The following RETREG1 variants were observed in gnomAD, a reference collection of about 807,000 sequenced individuals.
The protein encoded by RETREG1 is family with sequence similarity 134 member B.
In RETREG1, 44 loss-of-function variants were observed where a neutral mutation model predicts 54.8. The ratio of observed to expected loss-of-function variants is 0.80; its 90% confidence interval spans 0.63 to 1.03. The LOEUF (loss-of-function observed/expected upper bound fraction) is 1.03. Ranked by LOEUF, RETREG1 falls within the 50% of genes least tolerant of loss-of-function variation. The pLI, the probability that RETREG1 is intolerant of heterozygous loss-of-function variation, is 0.00. For missense variants in RETREG1, 554 were observed against 605.1 expected (o/e 0.92, Z 0.89); for synonymous variants, 217 against 238.5 (o/e 0.91, Z 0.83).
At chr5:16,604,559 C>T (rs1321407735) in intron 1 of RETREG1, among the ~76,000 whole-genome samples, 1 of 152,122 alleles carries the variant, frequency 6.6e-6, no homozygotes, top group African/African-American at 2.4e-5. Flanking sequence ...AGGAAGTCCA[C>T]GTGGCCACAA....
At position 16,474,925 on chromosome 5, in the gene RETREG1, G is replaced by C; in HGVS notation, c.1310C>G (p.Ser437Cys). 1 of 1,613,866 alleles carries C rather than the reference G, an allele frequency of 6.2e-7. No homozygotes were observed. Among genetic ancestry groups the C allele is most frequent in the South Asian group, 1.1e-5 (1 of 91,082 alleles). Residue 437 changes from serine to cysteine, a missense_variant, in exon 9 of 9, where the codon TCT becomes TGT. Physicochemically the swap from Ser to Cys is moderately radical, Grantham distance 112 (BLOSUM62 -1). Coordinates refer to ENST00000306320, the MANE Select transcript of RETREG1 (RefSeq NM_001034850.3). ...DQLEGVQQAL[S>C]QAAPIPEEDT... ...CTCTTCTGGGATGGGGGCAGCCTGA[G>C]AAAGTGCTTGCTGCACACCCTCTAA...
chr5:16,615,170 G>T (rs1223840975), intron 1 of RETREG1, among the ~76,000 whole-genome samples: 1 of 152,132 alleles, frequency 6.6e-6, no homozygotes, highest in East Asian at 1.9e-4. Context: ...GGCCGAGGCG[G>T]ACGGATCACG....
chr5:16,588,120 C>T (rs542925361), intron 1 of RETREG1, among the ~76,000 whole-genome samples: 1 of 152,318 alleles, frequency 6.6e-6, no homozygotes, highest in South Asian at 2.1e-4. Context: ...AACTGTATTA[C>T]TTTGCAAGAA....
At chr5:16,478,804 A>G in intron 6 of RETREG1, 46 bp downstream of exon 6, 2 of 1,574,926 alleles carry the variant, frequency 1.3e-6, no homozygotes, top group Middle Eastern at 1.7e-4. Context: ...ATAGCTCGCT[A>G]ATGTCTCATT....
intron 3 of RETREG1, among the ~76,000 whole-genome samples, chr5:16,549,261 A>G (rs1329850873): frequency 6.6e-6 from 1 of 152,228 alleles, no homozygotes; most frequent in Non-Finnish European, 1.5e-5. Context: ...TCATGCCTTC[A>G]TCAAAGAACA....
chr5:16,550,358 C>T (rs911142250), intron 3 of RETREG1, among the ~76,000 whole-genome samples: 2 of 152,130 alleles, frequency 1.3e-5, no homozygotes, highest in South Asian at 4.1e-4. Flanking sequence ...AGAAGCAATG[C>T]TCTCACTGCT....
chr5:16,575,537 A>T (rs1742297474), intron 1 of RETREG1, among the ~76,000 whole-genome samples: 1 of 152,248 alleles, frequency 6.6e-6, no homozygotes, highest in Admixed American at 6.5e-5. Context: ...TTCCAAGAAT[A>T]ATAAAAAAGA....
intron 3 of RETREG1, among the ~76,000 whole-genome samples, chr5:16,552,819 G>C (rs1449298958): frequency 2.0e-5 from 3 of 152,184 alleles, no homozygotes; most frequent in Non-Finnish European, 4.4e-5. Context: ...TGCCCTGCTG[G>C]AATGTGTAGG....
chr5:16,553,896 G>T (rs1741614526), intron 3 of RETREG1, among the ~76,000 whole-genome samples: 1 of 152,194 alleles, frequency 6.6e-6, no homozygotes, highest in Non-Finnish European at 1.5e-5. Flanking sequence ...CCAGGGATAG[G>T]TTGTTGAAAG....
intron 3 of RETREG1, among the ~76,000 whole-genome samples, chr5:16,533,041 A>G (rs1285064798): frequency 6.9e-6 from 1 of 144,896 alleles, no homozygotes; most frequent in Non-Finnish European, 1.5e-5. Context: ...TTAGCAGTTG[A>G]TAATATGAAC....
chr5:16,500,066 C>A (rs1162595418), intron 3 of RETREG1, among the ~76,000 whole-genome samples: 1 of 152,188 alleles, frequency 6.6e-6, no homozygotes, highest in Non-Finnish European at 1.5e-5. Context: ...CCTGAAAGAC[C>A]ATGGGAGCCT....
rs568046087 is a variant in RETREG1 at position 16,533,338 on chromosome 5, C to T, written c.458+32425G>A. On this transcript the variant is annotated intron_variant, in intron 3 of 8. Coordinates refer to ENST00000306320, the MANE Select transcript of RETREG1 (RefSeq NM_001034850.3). ...GATTACAGGCGTGAGCCACCACGCCCGGCTGATAATATGAACTTAAAACTC... is the reference window on the plus strand; with the variant it reads ...GATTACAGGCGTGAGCCACCACGCCTGGCTGATAATATGAACTTAAAACTC... 4.9e-4 allele frequency among the ~76,000 whole-genome samples: 75 copies of T among 152,282 alleles called. No individual in the cohort carries two copies. In the South Asian group the frequency reaches 0.015, roughly 30 times the overall value.
chr5:16,572,894 G>C (rs1222189352), intron 1 of RETREG1, among the ~76,000 whole-genome samples: 1 of 152,006 alleles, frequency 6.6e-6, no homozygotes, highest in African/African-American at 2.4e-5. Flanking sequence ...CTTAAAAACA[G>C]CAGTTATTGG....
chr5:16,474,070 A>C lies in RETREG1; in HGVS notation c.*671T>G, dbSNP rs1333120604. The C allele has an allele frequency of 6.5e-6, 1 of 153,062 alleles. No homozygotes were observed. Among genetic ancestry groups the C allele is most frequent in the Non-Finnish European group, 1.5e-5 (1 of 68,746 alleles). The allele number at this position is 153,062 out of a possible 1,614,324, so 9.5% of individuals were successfully genotyped here. On this transcript the variant is annotated 3_prime_UTR_variant, in exon 9 of 9. Transcript: ENST00000306320. ...TCTATGGGTTAATACCACCCACTGC[A>C]AGACTAGAGATGGCAGTCAATGGAG...
chr5:16,583,757 C>T (rs1742554156), intron 1 of RETREG1, among the ~76,000 whole-genome samples: 1 of 152,076 alleles, frequency 6.6e-6, no homozygotes, highest in Admixed American at 6.5e-5. Context: ...AAGCACAACC[C>T]ATTTTGTACT....
At chr5:16,565,599 G>A (rs1244176742) in intron 3 of RETREG1, among the ~76,000 whole-genome samples, 164 bp downstream of exon 3, 1 of 151,924 alleles carries the variant, frequency 6.6e-6, no homozygotes, top group Admixed American at 6.6e-5. Context: ...CTTCATCCTT[G>A]GCCTCCGATT....
At chr5:16,564,881 G>A (rs769335205) in intron 3 of RETREG1, among the ~76,000 whole-genome samples, 1 of 152,150 alleles carries the variant, frequency 6.6e-6, no homozygotes, top group Non-Finnish European at 1.5e-5. Flanking sequence ...CCAAAGGTGC[G>A]TTACATAAAA....
rs1476035887 is a variant in RETREG1 at position 16,513,863 on chromosome 5, T to A, written c.459-30391A>T. Among the ~76,000 whole-genome samples the A allele has an allele frequency of 2.6e-5, 4 of 152,356 alleles. No individual in the cohort carries two copies. In the East Asian group the frequency reaches 7.7e-4, roughly 29 times the overall value. On this transcript the variant is annotated intron_variant, in intron 3 of 8. Coordinates refer to ENST00000306320, the MANE Select transcript of RETREG1 (RefSeq NM_001034850.3). ...TCTGTGCCCTGCCACCTCTGTCCAC[T>A]TCTTCCTTGTCATGATCTTTGATGA...
At chr5:16,589,952 T>C (rs1400116101) in intron 1 of RETREG1, among the ~76,000 whole-genome samples, 1 of 152,136 alleles carries the variant, frequency 6.6e-6, no homozygotes, top group African/African-American at 2.4e-5. Flanking sequence ...TTCTCTCCTA[T>C]GGGTCAAAGT....
Sources: allele counts gnomAD v4.1 joint callset (sites outside exome capture counted in the v4.1 genomes callset), GRCh38; gene constraint gnomAD v4.1.1; transcripts MANE v1.5; gene names NCBI Gene and HGNC (gene_info 2026-07-23, HGNC 2026-07-21).